The following SLC12A7 variants were observed in gnomAD, a reference collection of about 807,000 sequenced individuals.
SLC12A7 encodes solute carrier family 12 member 7.
In SLC12A7, 100 loss-of-function variants were observed where a neutral mutation model predicts 120.6. The ratio of observed to expected loss-of-function variants is 0.83; its 90% CI spans 0.71 to 0.98. The LOEUF is 0.98. SLC12A7 is among the 50% of genes least tolerant of loss of function. The probability of loss-of-function intolerance (pLI) is 0.00; values close to 1 mark genes in which losing one functional copy is unlikely to be tolerated. For synonymous variants in SLC12A7, 760 were observed against 678.0 expected, an observed-to-expected ratio of 1.12 and a Z score of -1.88; for missense variants, 1,373 against 1,548.1, an observed-to-expected ratio of 0.89 and a Z score of 1.90.
In SLC12A7 at chr5:1,083,773, G is replaced by A. The variant is rs1199359062; in HGVS notation, c.1101C>T (p.Ile367=). The A allele has an allele frequency of 1.9e-6, 3 of 1,612,664 alleles. No homozygotes were observed. The Admixed American group carries it at 5.0e-5, about 27-fold the overall frequency. Residue 367 remains isoleucine, a synonymous_variant, in exon 8 of 24, where the codon ATC becomes ATT. Coordinates refer to ENST00000264930, the MANE Select transcript of SLC12A7 (RefSeq NM_006598.3). ...IQNNVTEIQG[I]PGAASGVFLE... is the part of the protein sequence containing the mutation. ...GGAAGACACCACTGGCCGCGCCCGG[G>A]ATGCCCTGGATTTCGGTGACGTTGT...
intron 5 of SLC12A7, among the ~76,000 whole-genome samples, chr5:1,087,763 T>C (rs1426843528): frequency 6.6e-6 from 1 of 152,250 alleles, no homozygotes. Flanking sequence ...TGGCAGCGTC[T>C]CCGTTCACTA....
intron 1 of SLC12A7, among the ~76,000 whole-genome samples, chr5:1,105,105 G>A (rs1482263371): frequency 6.6e-6 from 1 of 150,704 alleles, no homozygotes; most frequent in Non-Finnish European, 1.5e-5. Context: ...TCACCCACCA[G>A]CCAAAGGGGA....
intron 22 of SLC12A7, 134 bp from the exon 23 acceptor site, chr5:1,053,616 T>A (rs1485778441): frequency 6.6e-6 from 8 of 1,203,490 alleles, no homozygotes; most frequent in Non-Finnish European, 9.1e-6. Flanking sequence ...AGGCGGATTC[T>A]CTGACCCTGA....
At chr5:1,146,348 C>T in the SLC12A7 span, among the ~76,000 whole-genome samples, 64 of 119,886 alleles carry the variant, frequency 5.3e-4, no homozygotes, top group African/African-American at 1.2e-3. This position sits in a 1 kb window ranked among gnomAD's most constrained non-coding sequence, Gnocchi z 6.5. Flanking sequence ...CCAGTGACCA[C>T]GGACCTCCAG....
chr5:1,060,416 C>T lies in SLC12A7; in HGVS notation c.2775G>A (p.Arg925=). 2 of 1,613,780 alleles carry T rather than the reference C, an allele frequency of 1.2e-6. No individual in the cohort carries two copies. The highest frequency in any genetic ancestry group is 1.1e-5 in the South Asian group (1 of 91,088). ...ENDISAFTYE[R]TLMMEQRSQM... Reference sequence around the variant, plus strand: ...GCGACCTCTGCTCCATCATTAGTGTCCTCTCGTAGGTGAAAGCAGATATGT... The same window carrying T: ...GCGACCTCTGCTCCATCATTAGTGTTCTCTCGTAGGTGAAAGCAGATATGT... Residue 925 remains arginine (R), a synonymous_variant, in exon 21 of 24, where the codon AGG becomes AGA. Transcript: ENST00000264930.
Position 1,066,930 on chromosome 5 carries a change from C to T in SLC12A7, c.2242-1452G>A, listed in dbSNP as rs577561458. On this transcript the variant is annotated intron_variant, in intron 17 of 23. Transcript: ENST00000264930. Reference sequence around the variant, plus strand: ...TGTGGTCTGTGTCCCATCACAGCAGCCCCGGGCCACTCAGGGATCAGAGCC... The same window carrying T: ...TGTGGTCTGTGTCCCATCACAGCAGTCCCGGGCCACTCAGGGATCAGAGCC... Among the ~76,000 whole-genome samples, 10 of 152,300 alleles carry T rather than the reference C, an allele frequency of 6.6e-5. No individual in the cohort carries two copies. The East Asian group carries it at 1.4e-3, about 21-fold the overall frequency.
At chr5:1,141,633 GTTTATA>G in the SLC12A7 span, among the ~76,000 whole-genome samples, 9 of 152,222 alleles carry the variant, frequency 5.9e-5, no homozygotes, top group Admixed American at 3.9e-4. Context: ...GGTCACTGAA[GTTTATA>G]TTTAAGTTAA....
At chr5:1,073,485 C>G in intron 17 of SLC12A7, 148 bp downstream of exon 17, 2 of 905,546 alleles carry the variant, frequency 2.2e-6, no homozygotes, top group Non-Finnish European at 3.2e-6. Context: ...GCGCGCTGCT[C>G]TGAGCTCAAA....
Position 1,065,409 on chromosome 5 carries a change from G to T in SLC12A7, c.2311C>A (p.Arg771=), listed in dbSNP as rs750031509. The change falls in exon 18 of 24, where the codon CGG becomes AGG. Residue 771 remains arginine (R), a synonymous_variant. Coordinates refer to ENST00000264930, the MANE Select transcript of SLC12A7 (RefSeq NM_006598.3). ...FCQLVVSSSL[R]DGMSHLIQSA... ...TGGATCAGGTGGGACATGCCATCCC[G>T]CAGGCTGGACGAGACCACCAGCTGG... The T allele has an allele frequency of 6.2e-7, 1 of 1,612,320 alleles. No homozygotes were observed.
At chr5:1,139,384 G>C in the SLC12A7 span, among the ~76,000 whole-genome samples, 4 of 152,396 alleles carry the variant, frequency 2.6e-5, no homozygotes, top group East Asian at 7.7e-4. Context: ...CTGGTGCTCA[G>C]CTACATCCTC....
In SLC12A7 at chr5:1,101,702, G is replaced by A. The variant is rs114650305; in HGVS notation, c.125-7454C>T. On this transcript the variant is annotated intron_variant, in intron 1 of 23. Coordinates refer to ENST00000264930, the MANE Select transcript of SLC12A7 (RefSeq NM_006598.3). Reference sequence around the variant, plus strand: ...ACCCTGTGCAGCCCTATGGGTGCTAGCTGTCCACGCACAGATCCGCCCCAC... The same window carrying A: ...ACCCTGTGCAGCCCTATGGGTGCTAACTGTCCACGCACAGATCCGCCCCAC... 4.2e-3 allele frequency among the ~76,000 whole-genome samples: 634 copies of A among 152,292 alleles called. 3 individuals carry two copies. Among genetic ancestry groups the A allele is most frequent in the Non-Finnish European group, 7.7e-3 (525 of 68,024 alleles).
the SLC12A7 span, among the ~76,000 whole-genome samples, chr5:1,145,215 G>T: frequency 2.2e-4 from 33 of 152,390 alleles, no homozygotes; most frequent in African/African-American, 7.7e-4. The surrounding 1 kb of genome is among the most constrained non-coding windows in gnomAD (Gnocchi z 4.4). Flanking sequence ...TGGCCACAAG[G>T]GCCAGGCAGG....
chr5:1,119,971 C>A, the SLC12A7 span, among the ~76,000 whole-genome samples: 2 of 152,222 alleles, frequency 1.3e-5, no homozygotes, highest in South Asian at 2.1e-4. Context: ...GCAGCTGGGA[C>A]CCCCCCATAG....
rs370522109 is a variant in SLC12A7 at position 1,083,297 on chromosome 5, G to A, written c.1129+448C>T. ...TCCCGTCTCGGGTTCTGGAAAGTCC[G>A]GGCTTCCCGTCTCGGGTTCTGGAGC... On this transcript the variant is annotated intron_variant, in intron 8 of 23. Coordinates refer to ENST00000264930, the MANE Select transcript of SLC12A7 (RefSeq NM_006598.3). Among the ~76,000 whole-genome samples, 212 of 151,242 alleles carry A rather than the reference G, an allele frequency of 1.4e-3. 3 individuals carry two copies. In the East Asian group the frequency reaches 0.035, roughly 25 times the overall value.
the SLC12A7 span, among the ~76,000 whole-genome samples, chr5:1,140,634 G>A: frequency 2.0e-5 from 3 of 152,210 alleles, no homozygotes; most frequent in East Asian, 3.9e-4. Flanking sequence ...TCAGGAACTC[G>A]CACCGCTGGC....
chr5:1,136,388 G>A, the SLC12A7 span, among the ~76,000 whole-genome samples: 21,997 of 99,472 alleles, frequency 0.22, 2,035 homozygotes, highest in African/African-American at 0.42. Context: ...GCAGACACAC[G>A]TGTGCTCAGA....
At chr5:1,140,539 C>T in the SLC12A7 span, among the ~76,000 whole-genome samples, 61 of 152,328 alleles carry the variant, frequency 4.0e-4, no homozygotes, top group Non-Finnish European at 7.9e-4. Flanking sequence ...CACAGCTGTC[C>T]CTGGAGGGAG....
chr5:1,126,653 AG>A, the SLC12A7 span, among the ~76,000 whole-genome samples: 4 of 152,136 alleles, frequency 2.6e-5, no homozygotes, highest in African/African-American at 9.7e-5. Context: ...TCTGCCCTCA[AG>A]TGGGCCCCAG....
rs750227136 is a variant in SLC12A7 at position 1,074,626 on chromosome 5, G to T, written c.2013C>A (p.Asn671Lys). 1 of 1,612,726 alleles carries T rather than the reference G, an allele frequency of 6.2e-7. No homozygotes were observed. The highest frequency in any genetic ancestry group is 1.7e-5 in the Admixed American group (1 of 59,998). ...CGCGCAGCAGGGCGTAGCGGGCGGC[G>T]TTCAGGGATAGGCCACGGATGCCAT... ...WGDGIRGLSL[N>K]AARYALLRVE... Residue 671 changes from asparagine (N) to lysine (K), a missense_variant, in exon 16 of 24, where the codon AAC (asparagine) becomes AAA (lysine). Physicochemically the swap from Asn to Lys is moderately conservative, Grantham distance 94 (BLOSUM62 0). Transcript: ENST00000264930.
Sources: allele counts gnomAD v4.1 joint callset (sites outside exome capture counted in the v4.1 genomes callset), GRCh38; gene constraint gnomAD v4.1.1; non-coding constraint Gnocchi (gnomAD v3.1); transcripts MANE v1.5; gene names NCBI Gene and HGNC (gene_info 2026-07-23, HGNC 2026-07-21).